LRRC20: variants seen among roughly 807,000 people sequenced by gnomAD.
LRRC20 encodes the protein leucine-rich repeat-containing protein 20.
In LRRC20, 11 loss-of-function variants were observed where a neutral mutation model predicts 14.4. The observed-to-expected ratio is 0.77, with a 90% CI of 0.48 to 1.27. The LOEUF is 1.27. Among genes scored for constraint, LRRC20 ranks in the 50% most tolerant of loss-of-function variants. LRRC20 has a pLI of 0.00. For synonymous variants in LRRC20, 121 were observed against 107.3 expected (o/e 1.13, Z -0.79); for missense variants, 219 against 251.2 (o/e 0.87, Z 0.87).
intron 2 of LRRC20, among the ~76,000 whole-genome samples, chr10:70,366,823 T>G (rs1025452342): frequency 2.0e-5 from 3 of 152,238 alleles, no homozygotes; most frequent in African/African-American, 7.2e-5. Context: ...TTACATTGTA[T>G]TATGTACTAT....
intron 2 of LRRC20, among the ~76,000 whole-genome samples, chr10:70,356,804 TCG>T (rs1203616188): frequency 2.0e-5 from 3 of 151,838 alleles, no homozygotes; most frequent in Non-Finnish European, 4.4e-5. Context: ...TGAGCCAAGA[TCG>T]CGCCACTGCA....
At chr10:70,332,719 T>G (rs542497253) in intron 3 of LRRC20, among the ~76,000 whole-genome samples, 2 of 152,256 alleles carry the variant, frequency 1.3e-5, no homozygotes, top group African/African-American at 2.4e-5. Flanking sequence ...ATGCTCTGTT[T>G]GCTTACAACA....
At chr10:70,301,632 G>T (rs183978658) in intron 4 of LRRC20, 124 bp from the exon 5 acceptor site, 4 of 1,194,638 alleles carry the variant, frequency 3.3e-6, no homozygotes, top group African/African-American at 3.0e-5. Context: ...CCCACTGCAC[G>T]TGGGCTCAGC....
At chr10:70,328,815 G>T (rs1842424929) in intron 3 of LRRC20, among the ~76,000 whole-genome samples, 1 of 152,110 alleles carries the variant, frequency 6.6e-6, no homozygotes, top group Non-Finnish European at 1.5e-5. Context: ...CTACTTGGGA[G>T]GCTGAGGCAG....
At chr10:70,314,093 C>T (rs1035576844) in intron 4 of LRRC20, among the ~76,000 whole-genome samples, 11 of 152,192 alleles carry the variant, frequency 7.2e-5, no homozygotes, top group Admixed American at 5.2e-4. Context: ...TTCATTACCA[C>T]GAGAAAGGTA....
intron 3 of LRRC20, among the ~76,000 whole-genome samples, chr10:70,329,686 C>A (rs546848912): frequency 6.6e-6 from 1 of 151,858 alleles, no homozygotes; most frequent in African/African-American, 2.4e-5. Context: ...CTCAGCCTCC[C>A]GAGTAGCTGG....
At chr10:70,346,487 T>C (rs908471882) in intron 2 of LRRC20, among the ~76,000 whole-genome samples, 1 of 152,246 alleles carries the variant, frequency 6.6e-6, no homozygotes, top group Non-Finnish European at 1.5e-5. Context: ...ACTATTTTTC[T>C]ACTTGGAGCT....
At chr10:70,358,655 G>C (rs145791122) in intron 2 of LRRC20, among the ~76,000 whole-genome samples, 1,589 of 152,260 alleles carry the variant, frequency 0.01, 24 homozygotes, top group South Asian at 0.056. Flanking sequence ...CAAGCTCACC[G>C]ACCATGCTGA....
chr10:70,331,507 C>A (rs969767276), intron 3 of LRRC20, among the ~76,000 whole-genome samples: 15 of 152,348 alleles, frequency 9.8e-5, no homozygotes, highest in African/African-American at 3.6e-4. Context: ...GTTGGGCTTC[C>A]AGCCCAACAC....
rs755994482 is a variant in LRRC20, at chr10:70,323,904, G to A, written c.359C>T (p.Pro120Leu). The change falls in exon 4 of 5, where the codon CCG (proline) becomes CTG (leucine). Residue 120 changes from proline to leucine, a missense_variant. Coordinates refer to ENST00000446961, the MANE Select transcript of LRRC20 (RefSeq NM_001278212.2). Reference protein sequence around the residue: ...QDFPEQLTALPALETINLEEN... With the variant: ...QDFPEQLTALLALETINLEEN... ...CTCCAGGTTGATGGTCTCCAGCGCC[G>A]GCAGGGCGGTAAGCTGCTCAGGGAA... The A allele has an allele frequency of 1.1e-5, 18 of 1,614,032 alleles. No individual in the cohort carries two copies. Among genetic ancestry groups the A allele is most frequent in the East Asian group, 2.2e-5 (1 of 44,876 alleles).
At chr10:70,377,883 G>C (rs1844568091) in intron 1 of LRRC20, among the ~76,000 whole-genome samples, 1 of 152,232 alleles carries the variant, frequency 6.6e-6, no homozygotes, top group Non-Finnish European at 1.5e-5. Context: ...CACACATACA[G>C]AACAGTGGGA....
chr10:70,372,062 G>T (rs955993515), intron 2 of LRRC20, among the ~76,000 whole-genome samples: 1 of 152,006 alleles, frequency 6.6e-6, no homozygotes, highest in African/African-American at 2.4e-5. Flanking sequence ...TGGCTCTGGA[G>T]CACCACCCCG....
intron 2 of LRRC20, among the ~76,000 whole-genome samples, chr10:70,368,635 A>C (rs9733713): frequency 6.6e-6 from 1 of 151,816 alleles, no homozygotes; most frequent in African/African-American, 2.4e-5. Context: ...TTTTGGCGGC[A>C]GGGGGGACTG....
intron 3 of LRRC20, among the ~76,000 whole-genome samples, chr10:70,339,402 G>A (rs1014591781): frequency 6.6e-6 from 1 of 152,196 alleles, no homozygotes; most frequent in Non-Finnish European, 1.5e-5. Context: ...TGCCTGTGAG[G>A]AAGGCTCCTG....
intron 2 of LRRC20, among the ~76,000 whole-genome samples, chr10:70,348,799 C>T (rs1843173170): frequency 6.6e-6 from 1 of 152,280 alleles, no homozygotes; most frequent in African/African-American, 2.4e-5. Context: ...AAGGGGCCAA[C>T]AGCCTTCTGC....
At chr10:70,339,458 G>T (rs961744605) in intron 3 of LRRC20, among the ~76,000 whole-genome samples, 1 of 152,180 alleles carries the variant, frequency 6.6e-6, no homozygotes, top group African/African-American at 2.4e-5. Flanking sequence ...GGGCAGGCAG[G>T]TGAGAGCGCA....
At chr10:70,308,255 T>C (rs1044879790) in intron 4 of LRRC20, among the ~76,000 whole-genome samples, 71 of 151,938 alleles carry the variant, frequency 4.7e-4, no homozygotes, top group African/African-American at 1.6e-3. Flanking sequence ...CCACAGGAGG[T>C]AGGAGGGTCC....
In LRRC20 at chr10:70,299,141, G is replaced by C. The variant is rs539585916; in HGVS notation, c.*2213C>G. The C allele has an allele frequency of 6.6e-6, 1 of 152,628 alleles. No homozygotes were observed. The highest frequency in any genetic ancestry group is 6.5e-5 in the Admixed American group (1 of 15,284). The allele number at this position is 152,628 out of a possible 1,614,324, so 9.5% of individuals were successfully genotyped here. A position where few individuals can be genotyped will look rare whatever the true frequency, so the allele number is the denominator to read the frequency against. ...AGAAGCTGCCCCTTCAAAGGCCTGA[G>C]GTGAGGACCTGGGGCAGCAGGCAGC... On this transcript the variant is annotated 3_prime_UTR_variant, in exon 5 of 5. Transcript: ENST00000446961.
chr10:70,327,535 C>T (rs796642717), intron 3 of LRRC20, among the ~76,000 whole-genome samples: 1 of 151,078 alleles, frequency 6.6e-6, no homozygotes. Context: ...TAGCTGAGAT[C>T]GCACCACTGC....
Sources: gnomAD v4.1 joint callset for allele counts (sites outside exome capture counted in the v4.1 genomes callset) on GRCh38, gnomAD v4.1.1 for gene constraint, MANE v1.5 for transcripts, NCBI Gene and HGNC (gene_info 2026-07-23, HGNC 2026-07-21) for gene names.